The following ATP8A1 variants were observed in gnomAD, a reference collection of about 807,000 sequenced individuals.
The protein encoded by ATP8A1 is ATPase phospholipid transporting 8A1, also known as phospholipid-transporting ATPase IA.
In ATP8A1, 90 loss-of-function variants were observed where a neutral mutation model predicts 177.7. That is an observed-to-expected ratio of 0.51 (90% CI 0.43 to 0.60). ATP8A1 has a LOEUF of 0.60. Among genes scored for constraint, ATP8A1 ranks in the 20% least tolerant of loss-of-function variants. The probability of loss-of-function intolerance (pLI) is 0.00; values close to 1 mark genes in which losing one functional copy is unlikely to be tolerated. For synonymous variants in ATP8A1, 493 were observed against 485.9 expected (o/e 1.01, Z -0.19); for missense variants, 1,072 against 1,392.8 (o/e 0.77, Z 3.67).
At chr4:42,463,741 T>C (rs545162863) in intron 27 of ATP8A1, among the ~76,000 whole-genome samples, 1 of 152,338 alleles carries the variant, frequency 6.6e-6, no homozygotes, top group Non-Finnish European at 1.5e-5. Context: ...AAACGGATTA[T>C]AGAAATCCCT....
intron 15 of ATP8A1, among the ~76,000 whole-genome samples, chr4:42,558,912 C>T (rs559268679): frequency 6.8e-4 from 104 of 152,352 alleles, no homozygotes; most frequent in Non-Finnish European, 1.4e-3. Flanking sequence ...CAGTAGCTCA[C>T]GCCTGTAATC....
intron 14 of ATP8A1, among the ~76,000 whole-genome samples, chr4:42,571,493 A>C (rs1268525818): frequency 6.8e-6 from 1 of 148,128 alleles, no homozygotes; most frequent in Non-Finnish European, 1.5e-5. Context: ...CAAAGATGGC[A>C]CTTAGGACTG....
chr4:42,481,642 G>A (rs17531757), intron 25 of ATP8A1, among the ~76,000 whole-genome samples: 13,809 of 152,244 alleles, frequency 0.091, 842 homozygotes, highest in Middle Eastern at 0.15. Flanking sequence ...CTTGATTTCA[G>A]CTGTATCCAT....
rs144597001 is a variant in ATP8A1 at position 42,461,844 on chromosome 4, A to G, written c.2619+2846T>C. Among the ~76,000 whole-genome samples the G allele has an allele frequency of 1.5e-3, 227 of 152,338 alleles. 1 individual carries two copies. Among genetic ancestry groups the G allele is most frequent in the Middle Eastern group, 3.4e-3 (1 of 294 alleles). On this transcript the variant is annotated intron_variant, in intron 27 of 36. Transcript: ENST00000381668. ...AATGGCTTTGACCAAAATGCTGATA[A>G]TGCTATGGACAATAAGATCCAGGCT...
At chr4:42,565,882 T>C (rs1731293637) in intron 15 of ATP8A1, among the ~76,000 whole-genome samples, 1 of 152,204 alleles carries the variant, frequency 6.6e-6, no homozygotes. Flanking sequence ...ATAAATAGAT[T>C]TTCCCCTTCA....
At chr4:42,515,529 C>T (rs540898682) in intron 22 of ATP8A1, among the ~76,000 whole-genome samples, 2 of 152,250 alleles carry the variant, frequency 1.3e-5, no homozygotes, top group South Asian at 2.1e-4. Context: ...CTATATTACG[C>T]CACATCAAGG....
chr4:42,599,824 C>T (rs1735070018), intron 6 of ATP8A1, among the ~76,000 whole-genome samples: 2 of 152,188 alleles, frequency 1.3e-5, no homozygotes, highest in South Asian at 4.1e-4. Flanking sequence ...GTTACCAAAG[C>T]TATTCATTTG....
At chr4:42,507,204 TA>T (rs1232749697) in intron 22 of ATP8A1, 50 bp from the exon 23 acceptor site, 2 of 1,580,856 alleles carry the variant, frequency 1.3e-6, no homozygotes, top group African/African-American at 2.7e-5. Context: ...TCATATTCTT[TA>T]AAAACAAAAA....
intron 18 of ATP8A1, among the ~76,000 whole-genome samples, chr4:42,550,190 G>A (rs867988834): frequency 1.8e-4 from 19 of 103,956 alleles, no homozygotes; most frequent in African/African-American, 6.1e-4. Flanking sequence ...ACTCCTTTGT[G>A]TCTGGCTTTT....
At chr4:42,528,340 A>C (rs1726914719) in intron 20 of ATP8A1, among the ~76,000 whole-genome samples, 2 of 152,174 alleles carry the variant, frequency 1.3e-5, no homozygotes, top group Non-Finnish European at 2.9e-5. Flanking sequence ...CAAAAACAAT[A>C]TCACATCCCT....
intron 30 of ATP8A1, among the ~76,000 whole-genome samples, chr4:42,450,505 C>A (rs1359811771): frequency 6.6e-6 from 1 of 152,194 alleles, no homozygotes; most frequent in Non-Finnish European, 1.5e-5. Flanking sequence ...GCCAAACAAG[C>A]AAGCAACAAA....
intron 25 of ATP8A1, among the ~76,000 whole-genome samples, chr4:42,482,016 T>C (rs1236610075): frequency 1.3e-5 from 2 of 152,100 alleles, no homozygotes; most frequent in African/African-American, 4.8e-5. Flanking sequence ...GAAAGAACAG[T>C]AGTTGGCCAG....
rs1185817024 is a variant in ATP8A1 at position 42,637,052 on chromosome 4, T to C, written c.50-9943A>G. ...CAGTCCTCTGTTGGAAGCCAAGTCC[T>C]GTCCCAACACCCATCTAATGTAGGT... On this transcript the variant is annotated intron_variant, in intron 1 of 36. Transcript: ENST00000381668. 7 of 492,632 alleles carry C rather than the reference T, an allele frequency of 1.4e-5. No homozygotes were observed. In the East Asian group the frequency reaches 3.8e-4, roughly 27 times the overall value. 30.5% of individuals were successfully genotyped at this position (492,632 alleles called of 1,614,324 possible).
At chr4:42,623,876 CTA>C (rs1235681749) in intron 4 of ATP8A1, among the ~76,000 whole-genome samples, 2 of 151,590 alleles carry the variant, frequency 1.3e-5, no homozygotes, top group Non-Finnish European at 2.9e-5. Context: ...TTCTCTCTCT[CTA>C]TATATATATG....
chr4:42,441,803 T>A (rs1716677198), intron 33 of ATP8A1, among the ~76,000 whole-genome samples: 1 of 152,200 alleles, frequency 6.6e-6, no homozygotes, highest in Admixed American at 6.5e-5. Flanking sequence ...GCTGAATTAA[T>A]CCATTTTCAT....
chr4:42,466,622 C>A (rs752684623), intron 25 of ATP8A1, among the ~76,000 whole-genome samples: 1 of 152,096 alleles, frequency 6.6e-6, no homozygotes, highest in African/African-American at 2.4e-5. Context: ...GGTTGCTATA[C>A]GAAAAAACCA....
intron 19 of ATP8A1, among the ~76,000 whole-genome samples, chr4:42,544,648 G>C (rs377457872): frequency 4.6e-5 from 7 of 152,182 alleles, no homozygotes; most frequent in African/African-American, 1.7e-4. Flanking sequence ...AAATAACACT[G>C]AATGGAAGAA....
At position 42,479,117 on chromosome 4, in the gene ATP8A1, C is replaced by T. The variant is rs559642821; in HGVS notation, c.2324+6379G>A. On this transcript the variant is annotated intron_variant, in intron 25 of 36. Coordinates refer to ENST00000381668, the MANE Select transcript of ATP8A1 (RefSeq NM_006095.2). ...ATGAGCTACAGACACTTTATTATGGCCCCAGGGCTAAATTTAAGCAGCAGT... is the reference window on the plus strand; with the variant it reads ...ATGAGCTACAGACACTTTATTATGGTCCCAGGGCTAAATTTAAGCAGCAGT... Among the ~76,000 whole-genome samples the T allele has an allele frequency of 1.5e-4, 23 of 152,282 alleles. No individual in the cohort carries two copies. In the South Asian group the frequency reaches 4.8e-3, roughly 32 times the overall value.
chr4:42,511,746 T>C (rs951433362), intron 22 of ATP8A1, among the ~76,000 whole-genome samples: 5 of 152,226 alleles, frequency 3.3e-5, no homozygotes. Context: ...TACATGTATA[T>C]TTTGCTAAAT....
Sources: gnomAD v4.1 joint callset for allele counts (sites outside exome capture counted in the v4.1 genomes callset) on GRCh38, gnomAD v4.1.1 for gene constraint, MANE v1.5 for transcripts, NCBI Gene and HGNC (gene_info 2026-07-23, HGNC 2026-07-21) for gene names.